Variants in EVL observed in about 807,000 individuals in gnomAD.
EVL encodes the protein Enah/Vasp-like, also known as ena/VASP-like protein.
A neutral mutation model predicts 59.6 loss-of-function variants in EVL; 21 were observed. That is an observed-to-expected ratio of 0.35 (90% CI 0.25 to 0.51). EVL has a LOEUF of 0.51. Ranked by LOEUF, EVL falls within the 20% of genes least tolerant of loss-of-function variation. The pLI is 0.97. For synonymous variants in EVL, 198 were observed against 203.5 expected, an observed-to-expected ratio of 0.97 and a Z score of 0.23; for missense variants, 462 against 546.6, an observed-to-expected ratio of 0.85 and a Z score of 1.54.
intron 1 of EVL, among the ~76,000 whole-genome samples, chr14:100,018,270 C>T (rs1381434071): frequency 6.6e-6 from 1 of 152,150 alleles, no homozygotes; most frequent in Non-Finnish European, 1.5e-5. Context: ...GGCAGCGGCT[C>T]ACATTAGGGA....
At chr14:99,971,703 G>C (rs1475741316) in exon 1 of EVL, 1 of 148,952 alleles carries the variant, frequency 6.7e-6, no homozygotes, top group Non-Finnish European at 1.5e-5. Flanking sequence ...GGACGCGCAC[G>C]CGTTCCCGCC....
At chr14:100,093,341 AT>A (rs1440921217) in intron 2 of EVL, among the ~76,000 whole-genome samples, 1 of 152,178 alleles carries the variant, frequency 6.6e-6, no homozygotes, top group Non-Finnish European at 1.5e-5. Flanking sequence ...TATTATCTTC[AT>A]CTTACATGTG....
Position 100,032,193 on chromosome 14 carries a change from G to A in EVL, c.6-52494G>A, listed in dbSNP as rs142002296. 1.0e-3 allele frequency among the ~76,000 whole-genome samples: 155 copies of A among 152,352 alleles called. 4 individuals carry two copies. The East Asian group carries it at 0.028, about 27-fold the overall frequency. On this transcript the variant is annotated intron_variant, in intron 1 of 13. Coordinates refer to the EVL transcript ENST00000402714. The stretch of plus-strand genomic sequence containing the variant: ...AAATTCCTTTTCCTGGAGAGAGGAT[G>A]CATGCAAATCAAATGTACCTTGGAG...
Position 100,130,611 on chromosome 14 carries a change from A to C in EVL, c.839+927A>C, listed in dbSNP as rs770043145. Among the ~76,000 whole-genome samples, 1 of 152,202 alleles carries C rather than the reference A, an allele frequency of 6.6e-6. No homozygotes were observed. The highest frequency in any genetic ancestry group is 6.5e-5 in the Admixed American group (1 of 15,302). On this transcript the variant is annotated intron_variant, in intron 7 of 13. Coordinates refer to ENST00000392920, the MANE Select transcript of EVL (RefSeq NM_016337.3). The surrounding 1 kb of genome is among the most constrained non-coding windows in gnomAD (Gnocchi z 4.8). ...AACTCTGTGTGCCCAGGGTCTTCACACTGCAGTCCTAGTTCCTCTCATTAC... is the reference window on the plus strand; with the variant it reads ...AACTCTGTGTGCCCAGGGTCTTCACCCTGCAGTCCTAGTTCCTCTCATTAC...
intron 2 of EVL, among the ~76,000 whole-genome samples, chr14:100,096,623 A>G (rs567370238): frequency 8.7e-4 from 133 of 152,372 alleles, no homozygotes; most frequent in African/African-American, 3.1e-3. Context: ...GATGGGAAGC[A>G]GAATGAGGGC....
At chr14:100,076,248 G>A (rs940684998) in intron 1 of EVL, among the ~76,000 whole-genome samples, 4 of 152,180 alleles carry the variant, frequency 2.6e-5, no homozygotes, top group African/African-American at 4.8e-5. Flanking sequence ...GTGATCAGAC[G>A]GGTCCTTCCT....
intron 3 of EVL, chr14:100,106,862 C>T: frequency 2.5e-6 from 1 of 398,668 alleles, no homozygotes; most frequent in Non-Finnish European, 4.4e-6. Flanking sequence ...GAAGTTTGTA[C>T]TTGGCCCAAA....
intron 1 of EVL, among the ~76,000 whole-genome samples, chr14:100,045,738 T>TGGG (rs1345868049): frequency 6.6e-6 from 1 of 152,222 alleles, no homozygotes; most frequent in Non-Finnish European, 1.5e-5. Flanking sequence ...TGTCCTGCCC[T>TGGG]GGGCAGATCA....
chr14:100,128,107 C>T (rs1888196313), intron 5 of EVL, among the ~76,000 whole-genome samples: 1 of 152,230 alleles, frequency 6.6e-6, no homozygotes, highest in African/African-American at 2.4e-5. Flanking sequence ...ACCCAAGTGT[C>T]AGTCACAGTT....
chr14:100,019,158 G>A (rs779770508), intron 1 of EVL, among the ~76,000 whole-genome samples: 10 of 152,142 alleles, frequency 6.6e-5, no homozygotes, highest in Admixed American at 1.3e-4. Context: ...CAGTACTTAC[G>A]TTCACATATA....
chr14:100,125,801 G>A (rs111845692), intron 4 of EVL, among the ~76,000 whole-genome samples: 4,045 of 152,074 alleles, frequency 0.027, 190 homozygotes, highest in African/African-American at 0.092. Flanking sequence ...TCATCCGCCC[G>A]CCTCACCCTC....
At chr14:99,995,199 T>G (rs768416054) in intron 1 of EVL, among the ~76,000 whole-genome samples, 1 of 152,220 alleles carries the variant, frequency 6.6e-6, no homozygotes, top group Non-Finnish European at 1.5e-5. Flanking sequence ...TCCTCAGAGT[T>G]GAGAAGTTTT....
upstream of EVL, among the ~76,000 whole-genome samples, chr14:100,064,919 GA>G (rs1566992781): frequency 6.6e-6 from 1 of 151,924 alleles, no homozygotes; most frequent in Non-Finnish European, 1.5e-5. Context: ...TCTCAAAAAA[GA>G]AAAAAAGACT....
chr14:100,009,756 A>G (rs1372730980), intron 1 of EVL, among the ~76,000 whole-genome samples: 1 of 152,220 alleles, frequency 6.6e-6, no homozygotes, highest in Non-Finnish European at 1.5e-5. Context: ...GTCACGGTAC[A>G]GCTTAGTTTT....
At chr14:100,137,975 C>T in intron 11 of EVL, 173 bp downstream of exon 11, 1 of 644,092 alleles carries the variant, frequency 1.6e-6, no homozygotes, top group Non-Finnish European at 2.7e-6. Flanking sequence ...CAGTCAGCTG[C>T]TCCGTCTTTT....
rs116943860 is a variant in EVL at position 100,073,418 on chromosome 14, C to T, written c.11+7907C>T. On this transcript the variant is annotated intron_variant, in intron 1 of 13. Transcript: ENST00000392920. The stretch of plus-strand genomic sequence containing the variant: ...TTCACTGCAACCTTAACCTCCTCAG[C>T]TCAAGGGATCCTTCCACCTCAGGCT... Among the ~76,000 whole-genome samples, 210 of 151,112 alleles carry T rather than the reference C, an allele frequency of 1.4e-3. 4 individuals are homozygous for T. Among genetic ancestry groups the T allele is most frequent in the East Asian group, 0.014 (70 of 5,126 alleles).
At chr14:100,142,022 C>T (rs1019378332) in intron 13 of EVL, 15 of 433,660 alleles carry the variant, frequency 3.5e-5, no homozygotes, top group Non-Finnish European at 6.3e-5. Context: ...ACACCCGAAT[C>T]TGACCTTCCA....
intron 2 of EVL, 91 bp downstream of exon 2, chr14:100,084,946 G>A: frequency 7.2e-7 from 1 of 1,395,308 alleles, no homozygotes; most frequent in South Asian, 1.3e-5. Context: ...TAAGAGGTCA[G>A]AACAAAAAGG....
chr14:100,141,389 A>T, intron 12 of EVL, 143 bp downstream of exon 12: 1 of 820,342 alleles, frequency 1.2e-6, no homozygotes, highest in South Asian at 1.7e-5. Context: ...CACGGCAGAA[A>T]GGGGGTGCCC....
Sources: gnomAD v4.1 joint callset for allele counts (sites outside exome capture counted in the v4.1 genomes callset) on GRCh38, gnomAD v4.1.1 for gene constraint, Gnocchi (gnomAD v3.1) non-coding constraint, MANE v1.5 for transcripts, NCBI Gene and HGNC (gene_info 2026-07-23, HGNC 2026-07-21) for gene names.